Variants in SCFD2 observed in about 807,000 individuals in gnomAD.
SCFD2 encodes the protein sec1 family domain containing 2, also known as sec1 family domain-containing protein 2.
Under a neutral mutation model 58.9 loss-of-function variants are expected in SCFD2, and 54 were observed. That is an observed-to-expected ratio of 0.92 (90% CI 0.74 to 1.15). SCFD2 has a LOEUF of 1.15. Among genes scored for constraint, SCFD2 ranks in the 50% most tolerant of loss-of-function variants. SCFD2 has a pLI of 0.00. For missense variants in SCFD2, 805 were observed against 836.6 expected (o/e 0.96, Z 0.47); for synonymous variants, 321 against 335.9 (o/e 0.96, Z 0.49).
chr4:52,959,702 G>A (rs906555526), intron 5 of SCFD2, among the ~76,000 whole-genome samples: 1 of 152,116 alleles, frequency 6.6e-6, no homozygotes, highest in Non-Finnish European at 1.5e-5. Context: ...CATGCCAAAT[G>A]AATTCCGCTC....
chr4:52,897,833 G>A (rs766149083), intron 7 of SCFD2, among the ~76,000 whole-genome samples: 3 of 152,136 alleles, frequency 2.0e-5, no homozygotes, highest in African/African-American at 7.2e-5. Context: ...CAATTTCACA[G>A]CCTGTTATTG....
At chr4:53,138,603 T>C (rs1193192437) in intron 5 of SCFD2, among the ~76,000 whole-genome samples, 2 of 152,176 alleles carry the variant, frequency 1.3e-5, no homozygotes, top group African/African-American at 4.8e-5. Context: ...AGCCAACCCT[T>C]GACATTTTGT....
intron 2 of SCFD2, among the ~76,000 whole-genome samples, chr4:53,344,844 G>A (rs186483683): frequency 3.9e-5 from 6 of 152,240 alleles, no homozygotes; most frequent in African/African-American, 7.2e-5. Flanking sequence ...AACAAGCAAC[G>A]GGGAAAGGAT....
intron 5 of SCFD2, among the ~76,000 whole-genome samples, chr4:53,138,255 T>C (rs923229075): frequency 1.4e-4 from 21 of 152,182 alleles, no homozygotes; most frequent in African/African-American, 4.8e-4. Context: ...CAAGGATGGA[T>C]GATTTGCCCA....
chr4:52,930,051 G>A (rs1228410954), intron 5 of SCFD2, among the ~76,000 whole-genome samples: 2 of 152,042 alleles, frequency 1.3e-5, no homozygotes, highest in Admixed American at 1.3e-4. Flanking sequence ...TAGCCAAGAC[G>A]ATACTAAGCA....
chr4:53,294,223 T>C (rs554994363), intron 3 of SCFD2, among the ~76,000 whole-genome samples: 2 of 152,296 alleles, frequency 1.3e-5, no homozygotes, highest in East Asian at 3.9e-4. Context: ...CACCACACTG[T>C]CTTCCACAAT....
At chr4:53,047,778 A>G (rs1723080314) in intron 5 of SCFD2, among the ~76,000 whole-genome samples, 1 of 152,198 alleles carries the variant, frequency 6.6e-6, no homozygotes, top group Admixed American at 6.5e-5. Context: ...GTGCTTTGCT[A>G]GTTTGTTTTC....
At chr4:52,893,072 C>T (rs1189226990) in intron 7 of SCFD2, among the ~76,000 whole-genome samples, 1 of 152,094 alleles carries the variant, frequency 6.6e-6, no homozygotes, top group Non-Finnish European at 1.5e-5. Flanking sequence ...AGAGGAATTC[C>T]AGGACTTGTA....
intron 4 of SCFD2, among the ~76,000 whole-genome samples, chr4:53,216,497 C>T (rs558778871): frequency 3.9e-5 from 6 of 152,196 alleles, no homozygotes; most frequent in South Asian, 4.1e-4. Context: ...GTGATATCCC[C>T]TTTATCATTT....
chr4:53,295,657 G>A lies in SCFD2; in HGVS notation c.1135+17979C>T, dbSNP rs370228910. On this transcript the variant is annotated intron_variant, in intron 3 of 8. Coordinates refer to ENST00000401642, the MANE Select transcript of SCFD2 (RefSeq NM_152540.4). ...TTCTCTTGCCTGATTACCCTGATGA[G>A]AACTTCCAATACTACGTTGAAAAGG... Among the ~76,000 whole-genome samples the A allele has an allele frequency of 9.9e-5, 15 of 152,268 alleles. 1 individual carries two copies. The South Asian group carries it at 1.4e-3, about 15-fold the overall frequency.
chr4:53,158,335 C>A (rs1164154124), intron 4 of SCFD2, among the ~76,000 whole-genome samples: 1 of 152,160 alleles, frequency 6.6e-6, no homozygotes, highest in Non-Finnish European at 1.5e-5. Flanking sequence ...TGCTCCAAAC[C>A]CAGCCAAAAC....
intron 6 of SCFD2, 60 bp downstream of exon 6, chr4:52,920,665 A>T: frequency 8.0e-7 from 1 of 1,254,738 alleles, no homozygotes; most frequent in Non-Finnish European, 1.1e-6. Flanking sequence ...TTTCTTCTAT[A>T]GACTCTGAAT....
chr4:53,279,974 A>G (rs1731456263), intron 3 of SCFD2, among the ~76,000 whole-genome samples: 1 of 152,228 alleles, frequency 6.6e-6, no homozygotes, highest in Non-Finnish European at 1.5e-5. Context: ...GGGGATTACA[A>G]TTCAACATGA....
chr4:53,350,646 C>G (rs1734189304), intron 2 of SCFD2, among the ~76,000 whole-genome samples: 1 of 152,268 alleles, frequency 6.6e-6, no homozygotes, highest in African/African-American at 2.4e-5. Context: ...TATTCAAGAG[C>G]CTAGCTCTTC....
intron 4 of SCFD2, among the ~76,000 whole-genome samples, chr4:53,230,821 C>A (rs1368032272): frequency 6.6e-6 from 1 of 151,698 alleles, no homozygotes; most frequent in Non-Finnish European, 1.5e-5. Context: ...GTATTGAAAT[C>A]AGATATTCAA....
At chr4:53,274,637 C>T (rs1227422916) in intron 3 of SCFD2, among the ~76,000 whole-genome samples, 1 of 152,104 alleles carries the variant, frequency 6.6e-6, no homozygotes, top group Non-Finnish European at 1.5e-5. Context: ...ACAAGAGAGC[C>T]TACCTCATAA....
intron 4 of SCFD2, among the ~76,000 whole-genome samples, chr4:53,150,636 A>G (rs1204909011): frequency 2.0e-5 from 3 of 152,192 alleles, no homozygotes; most frequent in African/African-American, 7.2e-5. Flanking sequence ...TTGGGTTTCA[A>G]TCCAGGCTGT....
chr4:53,352,634 T>C lies in SCFD2; in HGVS notation c.971A>G (p.Tyr324Cys), dbSNP rs376774810. The C allele has an allele frequency of 2.0e-5, 32 of 1,613,792 alleles. No homozygotes were observed. The highest frequency in any genetic ancestry group is 2.5e-5 in the Non-Finnish European group (30 of 1,179,862). ...AAGACAGCCTGGTGCAACCACATTA[T>C]AATTTTCCTCCTCAGTATGGAGTGC... is the stretch of plus-strand genomic sequence containing the variant. ...LTALHTEEEN[Y>C]NVVAPGCLSQ... is the part of the protein sequence containing the mutation. Residue 324 changes from tyrosine (Y) to cysteine (C), a missense_variant, in exon 2 of 9, where the codon TAT becomes TGT. Tyr to Cys is a radical substitution (Grantham distance 194, BLOSUM62 -2). Transcript: ENST00000401642.
At chr4:52,993,624 A>C (rs1721673856) in intron 5 of SCFD2, among the ~76,000 whole-genome samples, 1 of 152,180 alleles carries the variant, frequency 6.6e-6, no homozygotes, top group Non-Finnish European at 1.5e-5. Flanking sequence ...AAACGAAGAC[A>C]GTGGCAAGGG....
Sources: gnomAD v4.1 joint callset for allele counts (sites outside exome capture counted in the v4.1 genomes callset) on GRCh38, gnomAD v4.1.1 for gene constraint, MANE v1.5 for transcripts, NCBI Gene and HGNC (gene_info 2026-07-23, HGNC 2026-07-21) for gene names.